The following BANP variants were observed in gnomAD, a reference collection of about 807,000 sequenced individuals.
BANP encodes BTG3 associated nuclear protein.
Under a neutral mutation model 68.1 loss-of-function variants are expected in BANP, and 11 were observed. The observed-to-expected ratio is 0.16, with a 90% CI of 0.10 to 0.27. BANP has a LOEUF of 0.27. Among genes scored for constraint, BANP ranks in the 10% least tolerant of loss-of-function variants. BANP has a pLI of 1.00. For synonymous variants in BANP, 329 were observed against 303.2 expected, an observed-to-expected ratio of 1.09 and a Z score of -0.88; for missense variants, 504 against 722.7, an observed-to-expected ratio of 0.70 and a Z score of 3.47.
At chr16:88,062,227 C>T (rs752059896) in intron 11 of BANP, among the ~76,000 whole-genome samples, 2 of 152,138 alleles carry the variant, frequency 1.3e-5, no homozygotes, top group Non-Finnish European at 2.9e-5. Context: ...TTGCGTTGCA[C>T]CTGAGTGGAT....
chr16:87,976,474 G>GTTTTATTT (rs1555546298), intron 2 of BANP, among the ~76,000 whole-genome samples: 2 of 95,972 alleles, frequency 2.1e-5, no homozygotes, highest in African/African-American at 9.1e-5. Context: ...GTTTTAAAAA[G>GTTTTATTT]TTTTTTTTTT....
intron 4 of BANP, among the ~76,000 whole-genome samples, chr16:87,992,037 A>G (rs988919373): frequency 3.3e-5 from 5 of 152,192 alleles, no homozygotes; most frequent in African/African-American, 1.2e-4. Flanking sequence ...GTTTCCTTCT[A>G]TTCTTTGTTT....
At chr16:87,999,630 C>G (rs534993603) in intron 4 of BANP, among the ~76,000 whole-genome samples, 27 of 60,360 alleles carry the variant, frequency 4.5e-4, no homozygotes, top group Non-Finnish European at 3.4e-4. Context: ...CTGTACTTAC[C>G]TGTCCTTCCA....
intron 4 of BANP, among the ~76,000 whole-genome samples, chr16:87,999,388 G>T (rs1428089247): frequency 7.3e-6 from 1 of 136,584 alleles, no homozygotes; most frequent in African/African-American, 2.8e-5. Context: ...ATGCACGCAC[G>T]TGCGCGGCTG....
At chr16:88,039,083 C>T (rs577454886) in intron 11 of BANP, among the ~76,000 whole-genome samples, 5 of 152,272 alleles carry the variant, frequency 3.3e-5, no homozygotes, top group African/African-American at 1.2e-4. Context: ...GTGGGCTTTC[C>T]GTTGACCCCT....
rs2090398649 is a variant in BANP, at chr16:88,071,799, T to C, written c.1378-270T>C. ...GAAGCTCTGCCTTGCTTTTTTTTTT[T>C]TCCCTTTTTTCTGCTCTGTAGGTGC... On this transcript the variant is annotated intron_variant, in intron 12 of 13. Transcript: ENST00000682872. This position sits in a 1 kb window ranked among gnomAD's most constrained non-coding sequence, Gnocchi z 6.5. 1.5e-6 allele frequency: 1 copy of C among 674,652 alleles called. No homozygotes were observed. Among genetic ancestry groups the C allele is most frequent in the Non-Finnish European group, 2.7e-6 (1 of 366,878 alleles). The allele number at this position is 674,652 out of a possible 1,614,324, so 41.8% of individuals were successfully genotyped here. A position where few individuals can be genotyped will look rare whatever the true frequency, so the allele number is the denominator to read the frequency against.
chr16:88,075,064 G>A (rs1233772818), intron 13 of BANP, among the ~76,000 whole-genome samples: 3 of 152,140 alleles, frequency 2.0e-5, no homozygotes, highest in Non-Finnish European at 2.9e-5. Context: ...AATTAGCTGG[G>A]GCCGGGCACG....
At chr16:87,993,406 C>T (rs781680823) in intron 4 of BANP, among the ~76,000 whole-genome samples, 1 of 151,824 alleles carries the variant, frequency 6.6e-6, no homozygotes, top group Non-Finnish European at 1.5e-5. Context: ...CACCTATTCA[C>T]TCATCCGTTT....
chr16:87,959,537 C>G (rs1289485061), intron 1 of BANP, among the ~76,000 whole-genome samples: 1 of 152,210 alleles, frequency 6.6e-6, no homozygotes, highest in African/African-American at 2.4e-5. Context: ...TTGGTACTAG[C>G]AGGCTCTCCG....
At chr16:88,067,081 T>C (rs1210284729) in intron 12 of BANP, among the ~76,000 whole-genome samples, 2 of 152,148 alleles carry the variant, frequency 1.3e-5, no homozygotes, top group African/African-American at 2.4e-5. Context: ...TATTAATTGG[T>C]GTTGGACACA....
intron 11 of BANP, among the ~76,000 whole-genome samples, chr16:88,050,725 G>T (rs931229913): frequency 2.0e-5 from 3 of 152,126 alleles, no homozygotes; most frequent in African/African-American, 4.8e-5. Context: ...GTCTCACTCT[G>T]TTGTCGAGGC....
intron 8 of BANP, among the ~76,000 whole-genome samples, chr16:88,032,094 C>T (rs566295773): frequency 2.4e-4 from 37 of 152,004 alleles, no homozygotes; most frequent in African/African-American, 7.5e-4. Context: ...CGTGAGCCAC[C>T]GCGCCTGGCC....
chr16:88,072,061 C>T lies in BANP; in HGVS notation c.1378-8C>T. 6.4e-7 allele frequency: 1 copy of T among 1,566,096 alleles called. No homozygotes were observed. Among genetic ancestry groups the T allele is most frequent in the Non-Finnish European group, 8.6e-7 (1 of 1,157,652 alleles). ...GCCGCTGACGGGCCCCCGTGTGTCT[C>T]CCTCCAGGTGCTGCAGGGTGCACAG... On this transcript the variant is annotated splice_polypyrimidine_tract_variant and splice_region_variant and intron_variant, in intron 12 of 13. Coordinates refer to ENST00000682872, the MANE Select transcript of BANP (RefSeq NM_001386991.1).
intron 6 of BANP, among the ~76,000 whole-genome samples, chr16:88,013,400 G>A (rs1181685991): frequency 6.6e-6 from 1 of 152,204 alleles, no homozygotes; most frequent in East Asian, 1.9e-4. Context: ...CTAGTTCCTA[G>A]ACCGCTGCCC....
intron 7 of BANP, among the ~76,000 whole-genome samples, chr16:88,019,144 A>C (rs1455562311): frequency 6.6e-6 from 1 of 152,164 alleles, no homozygotes; most frequent in African/African-American, 2.4e-5. Context: ...GATGGGAGCC[A>C]GGAGAGCTCC....
At chr16:87,981,423 C>T (rs2063252329) in intron 3 of BANP, among the ~76,000 whole-genome samples, 1 of 152,224 alleles carries the variant, frequency 6.6e-6, no homozygotes, top group South Asian at 2.1e-4. Context: ...ACTGTTTCCC[C>T]TTCTCTCCTC....
At chr16:88,035,501 G>A (rs749007218) in intron 10 of BANP, 107 bp downstream of exon 10, 54 of 1,094,718 alleles carry the variant, frequency 4.9e-5, no homozygotes, top group Non-Finnish European at 6.8e-5. Flanking sequence ...CCCAGGACAG[G>A]GAACGTGGGC....
chr16:87,950,043 A>T (rs1241500919), upstream of BANP, among the ~76,000 whole-genome samples: 2 of 151,654 alleles, frequency 1.3e-5, no homozygotes, highest in Non-Finnish European at 2.9e-5. Context: ...GCGCCGGGCT[A>T]ATTTTTTGTA....
intron 1 of BANP, among the ~76,000 whole-genome samples, chr16:87,970,592 A>G (rs1405620984): frequency 6.6e-6 from 1 of 152,218 alleles, no homozygotes; most frequent in Non-Finnish European, 1.5e-5. Context: ...GCTTAATAAT[A>G]TTATTAACTC....
Sources: allele counts gnomAD v4.1 joint callset (sites outside exome capture counted in the v4.1 genomes callset), GRCh38; gene constraint gnomAD v4.1.1; non-coding constraint Gnocchi (gnomAD v3.1); transcripts MANE v1.5; gene names NCBI Gene and HGNC (gene_info 2026-07-23, HGNC 2026-07-21).